Variants in SLC24A2 observed in about 807,000 individuals in gnomAD.
SLC24A2 encodes sodium/potassium/calcium exchanger 2.
Under a neutral mutation model 62.0 loss-of-function variants are expected in SLC24A2, and 36 were observed. The observed-to-expected ratio is 0.58, with a 90% CI of 0.44 to 0.77. The LOEUF (loss-of-function observed/expected upper bound fraction) is 0.77, where lower values mean the gene tolerates loss of function less well. SLC24A2 is among the 30% of genes least tolerant of loss of function. SLC24A2 has a pLI of 0.00. For synonymous variants in SLC24A2, 358 were observed against 294.0 expected, an observed-to-expected ratio of 1.22 and a Z score of -2.23; for missense variants, 846 against 817.9, an observed-to-expected ratio of 1.03 and a Z score of -0.42.
the SLC24A2 span, among the ~76,000 whole-genome samples, chr9:20,236,314 T>G: frequency 3.3e-5 from 5 of 152,216 alleles, no homozygotes; most frequent in Non-Finnish European, 7.3e-5. Flanking sequence ...TCAAGACAGA[T>G]ACATACAATA....
At chr9:20,290,933 T>A in the SLC24A2 span, among the ~76,000 whole-genome samples, 2 of 152,158 alleles carry the variant, frequency 1.3e-5, no homozygotes, top group Non-Finnish European at 2.9e-5. Context: ...CCATATGGCA[T>A]CTTCATGAGA....
the SLC24A2 span, among the ~76,000 whole-genome samples, chr9:19,889,759 T>A: frequency 6.6e-6 from 1 of 152,254 alleles, no homozygotes; most frequent in Non-Finnish European, 1.5e-5. Flanking sequence ...AAATCCTGGA[T>A]GACTTCCACA....
Position 19,573,362 on chromosome 9 carries a change from C to T in SLC24A2, c.1336G>A (p.Ala446Thr). 6.2e-7 allele frequency: 1 copy of T among 1,609,280 alleles called. No individual in the cohort carries two copies. Among genetic ancestry groups the T allele is most frequent in the Non-Finnish European group, 8.5e-7 (1 of 1,175,758 alleles). The stretch of plus-strand genomic sequence containing the variant: ...GAGAAAAGCCATACCTGGGCTTCTG[C>T]ACCTTCAATGTTGTGGGAGAGATTT... ...NGNLSHNIEG[A>T]EAQTADEEED... is the part of the protein sequence containing the mutation. Residue 446 changes from alanine (A) to threonine (T), a missense_variant, in exon 7 of 11, where the codon GCA becomes ACA. Transcript: ENST00000341998.
At chr9:19,791,870 A>G (rs564561622), upstream of SLC24A2, among the ~76,000 whole-genome samples, 1 of 152,204 alleles carries the variant, frequency 6.6e-6, no homozygotes, top group Non-Finnish European at 1.5e-5. Context: ...ATACTTGTGT[A>G]AGTATAAACA....
intron 2 of SLC24A2, among the ~76,000 whole-genome samples, chr9:19,762,794 T>TTTG (rs1491143183): frequency 9.4e-5 from 5 of 53,258 alleles, no homozygotes; most frequent in Non-Finnish European, 2.1e-4. Context: ...CTATATGTGC[T>TTTG]TTTTTTTTTT....
the SLC24A2 span, among the ~76,000 whole-genome samples, chr9:20,033,665 C>A: frequency 1.3e-5 from 2 of 152,148 alleles, no homozygotes; most frequent in African/African-American, 4.8e-5. Context: ...TGGTAAAAGA[C>A]ACTCCCACCA....
chr9:19,526,845 T>C (rs918878942), intron 9 of SLC24A2, among the ~76,000 whole-genome samples: 1 of 132,432 alleles, frequency 7.6e-6, no homozygotes, highest in Non-Finnish European at 1.6e-5. Context: ...GTTTTAATTT[T>C]GATGAAATTA....
the SLC24A2 span, among the ~76,000 whole-genome samples, chr9:20,243,549 T>C: frequency 1.3e-5 from 2 of 152,188 alleles, no homozygotes; most frequent in African/African-American, 4.8e-5. Flanking sequence ...TCTGAGATCA[T>C]TTTACTAGCC....
chr9:19,983,968 G>T, the SLC24A2 span, among the ~76,000 whole-genome samples: 5 of 152,164 alleles, frequency 3.3e-5, no homozygotes, highest in African/African-American at 1.2e-4. Flanking sequence ...CTTTATGATG[G>T]TGTGAAAGTT....
At chr9:19,902,284 G>A in the SLC24A2 span, among the ~76,000 whole-genome samples, 2 of 152,160 alleles carry the variant, frequency 1.3e-5, no homozygotes, top group Non-Finnish European at 2.9e-5. Flanking sequence ...TGTCCATTCA[G>A]TCAGTTGGGA....
the SLC24A2 span, among the ~76,000 whole-genome samples, chr9:19,796,471 A>C: frequency 6.6e-6 from 1 of 152,270 alleles, no homozygotes; most frequent in South Asian, 2.1e-4. Context: ...CTTTGTGTTA[A>C]AAACCCTGTG....
the SLC24A2 span, among the ~76,000 whole-genome samples, chr9:20,303,955 C>A: frequency 6.6e-6 from 1 of 152,150 alleles, no homozygotes; most frequent in Non-Finnish European, 1.5e-5. Flanking sequence ...GTACCTTCAG[C>A]CTTACGGTCC....
the SLC24A2 span, among the ~76,000 whole-genome samples, chr9:20,263,487 A>T: frequency 2.6e-5 from 4 of 152,036 alleles, no homozygotes; most frequent in Admixed American, 2.6e-4. Flanking sequence ...GGAATCAAGC[A>T]ATCCTCCCAC....
chr9:20,289,578 T>C, the SLC24A2 span, among the ~76,000 whole-genome samples: 2 of 152,224 alleles, frequency 1.3e-5, no homozygotes, highest in Admixed American at 1.3e-4. Flanking sequence ...CTTTGTGGAA[T>C]TTTTATTCAA....
chr9:19,683,415 C>G (rs918966993), intron 2 of SLC24A2, among the ~76,000 whole-genome samples: 8 of 152,008 alleles, frequency 5.3e-5, no homozygotes, highest in African/African-American at 1.9e-4. Flanking sequence ...AGCTCATTGT[C>G]TTTATGGAAA....
the SLC24A2 span, among the ~76,000 whole-genome samples, chr9:20,267,415 C>T: frequency 0.36 from 54,897 of 151,996 alleles, 11,029 homozygotes; most frequent in East Asian, 0.6. Flanking sequence ...AGAATGCTGG[C>T]GTCTCCTAGT....
At chr9:19,623,933 C>G (rs1254132604) in intron 2 of SLC24A2, among the ~76,000 whole-genome samples, 6 of 152,138 alleles carry the variant, frequency 3.9e-5, no homozygotes, top group Non-Finnish European at 8.8e-5. Context: ...GGGTTGGGGG[C>G]TCTCTCTCAA....
At chr9:19,627,588 C>T (rs1012478489) in intron 2 of SLC24A2, among the ~76,000 whole-genome samples, 4 of 152,108 alleles carry the variant, frequency 2.6e-5, no homozygotes, top group Non-Finnish European at 5.9e-5. Context: ...TGCAGTGGTG[C>T]GACCATAGCT....
At chr9:19,718,403 C>T (rs1047009449) in intron 2 of SLC24A2, among the ~76,000 whole-genome samples, 8 of 149,066 alleles carry the variant, frequency 5.4e-5, no homozygotes, top group African/African-American at 2.0e-4. Flanking sequence ...AGCCATTGTC[C>T]CACCTCAGCC....
Sources: gnomAD v4.1 joint callset for allele counts (sites outside exome capture counted in the v4.1 genomes callset) on GRCh38, gnomAD v4.1.1 for gene constraint, MANE v1.5 for transcripts, NCBI Gene and HGNC (gene_info 2026-07-23, HGNC 2026-07-21) for gene names.